EYS: variants seen among roughly 807,000 people sequenced by gnomAD.
EYS encodes the protein EGF-like photoreceptor maintenance factor.
In EYS, 250 loss-of-function variants were observed where a neutral mutation model predicts 282.1. The ratio of observed to expected loss-of-function variants is 0.89; its 90% CI spans 0.80 to 0.98. The LOEUF is 0.98. Ranked by LOEUF, EYS falls within the 50% of genes least tolerant of loss-of-function variation. The pLI is 0.00. For missense variants in EYS, 4,016 were observed against 3,709.0 expected (o/e 1.08, Z -2.15); for synonymous variants, 1,355 against 1,282.9 (o/e 1.06, Z -1.20).
chr6:64,735,331 C>T (rs1290304305), intron 22 of EYS, among the ~76,000 whole-genome samples: 2 of 152,152 alleles, frequency 1.3e-5, no homozygotes, highest in East Asian at 3.9e-4. Flanking sequence ...GATCAGCCTG[C>T]CTTGGCCTCC....
chr6:64,395,111 T>A (rs1773314004), intron 28 of EYS, among the ~76,000 whole-genome samples: 1 of 151,982 alleles, frequency 6.6e-6, no homozygotes, highest in South Asian at 2.1e-4. Flanking sequence ...AGAATGGCGA[T>A]CATTAAAAAG....
chr6:64,443,395 A>T (rs887038979), intron 26 of EYS, among the ~76,000 whole-genome samples: 3 of 152,062 alleles, frequency 2.0e-5, no homozygotes. Context: ...GAGTCTTTGG[A>T]CTGTGGACTT....
intron 13 of EYS, among the ~76,000 whole-genome samples, chr6:65,024,990 C>T (rs1772361974): frequency 6.6e-6 from 1 of 152,136 alleles, no homozygotes; most frequent in Non-Finnish European, 1.5e-5. Context: ...AGATAAATAC[C>T]TCTACCTTAT....
At chr6:64,759,298 A>G (rs895680115) in intron 22 of EYS, among the ~76,000 whole-genome samples, 1 of 152,214 alleles carries the variant, frequency 6.6e-6, no homozygotes, top group Admixed American at 6.5e-5. Flanking sequence ...AAATCAGCTC[A>G]TGGATTTAGT....
intron 31 of EYS, among the ~76,000 whole-genome samples, chr6:64,189,047 A>T (rs1314666998): frequency 6.6e-6 from 1 of 152,192 alleles, no homozygotes; most frequent in Admixed American, 6.5e-5. Context: ...GAAAAACTCT[A>T]AAACTGAATG....
At chr6:63,865,786 A>G (rs1772657755) in intron 35 of EYS, among the ~76,000 whole-genome samples, 2 of 152,172 alleles carry the variant, frequency 1.3e-5, no homozygotes, top group Non-Finnish European at 2.9e-5. Context: ...GACCTGACTT[A>G]GAAATATGAA....
intron 12 of EYS, among the ~76,000 whole-genome samples, chr6:65,281,492 A>G (rs1231225660): frequency 6.6e-6 from 1 of 152,144 alleles, no homozygotes; most frequent in Non-Finnish European, 1.5e-5. Flanking sequence ...CTTGTGTGTT[A>G]TGTTATTTTC....
chr6:64,416,240 C>T (rs1337594971), intron 28 of EYS, among the ~76,000 whole-genome samples: 1 of 152,142 alleles, frequency 6.6e-6, no homozygotes, highest in Non-Finnish European at 1.5e-5. Flanking sequence ...CATTACTTAG[C>T]AAGTACTTTC....
At chr6:63,943,140 C>T (rs986320026) in intron 35 of EYS, among the ~76,000 whole-genome samples, 2 of 152,136 alleles carry the variant, frequency 1.3e-5, no homozygotes, top group Non-Finnish European at 1.5e-5. Context: ...GGGGTTGGCA[C>T]CCCTAACTCC....
At chr6:63,874,521 A>C (rs1444356035) in intron 35 of EYS, among the ~76,000 whole-genome samples, 2 of 152,094 alleles carry the variant, frequency 1.3e-5, no homozygotes, top group Non-Finnish European at 2.9e-5. Context: ...GTTTTTTTCC[A>C]ATTCTGTGAA....
At chr6:65,513,637 T>C (rs1369877521) in intron 2 of EYS, among the ~76,000 whole-genome samples, 1 of 152,178 alleles carries the variant, frequency 6.6e-6, no homozygotes, top group Non-Finnish European at 1.5e-5. Flanking sequence ...TGGTTCAATA[T>C]ATGCAAATCA....
chr6:63,872,231 C>T (rs926432810), intron 35 of EYS, among the ~76,000 whole-genome samples: 1 of 152,094 alleles, frequency 6.6e-6, no homozygotes, highest in Non-Finnish European at 1.5e-5. Flanking sequence ...TTCTTCTTTC[C>T]CAGTCTTGGA....
chr6:64,833,042 G>T (rs575748016), intron 19 of EYS, among the ~76,000 whole-genome samples: 1 of 152,004 alleles, frequency 6.6e-6, no homozygotes, highest in South Asian at 2.1e-4. Context: ...ATAAGAATGA[G>T]AATTGAGATC....
chr6:65,368,412 C>T (rs534381335), intron 8 of EYS, among the ~76,000 whole-genome samples: 39 of 151,758 alleles, frequency 2.6e-4, no homozygotes, highest in African/African-American at 8.2e-4. Context: ...CAGTTGAACA[C>T]ATCTGAAGCT....
intron 12 of EYS, among the ~76,000 whole-genome samples, chr6:65,293,833 T>A (rs1768592105): frequency 6.6e-6 from 1 of 151,824 alleles, no homozygotes; most frequent in African/African-American, 2.4e-5. Flanking sequence ...AATCTGGAAA[T>A]TTGACCGTAA....
intron 36 of EYS, among the ~76,000 whole-genome samples, chr6:63,854,635 A>G (rs1249756915): frequency 6.6e-6 from 1 of 152,182 alleles, no homozygotes; most frequent in African/African-American, 2.4e-5. Flanking sequence ...ATTACAATAA[A>G]AAAGCCACTT....
chr6:65,275,168 A>G (rs1009521081), intron 12 of EYS, among the ~76,000 whole-genome samples: 2 of 152,142 alleles, frequency 1.3e-5, no homozygotes, highest in African/African-American at 4.8e-5. Flanking sequence ...AGCCTTTGAT[A>G]GGTTCCTATA....
At chr6:65,014,236 A>G (rs1456269755) in intron 13 of EYS, among the ~76,000 whole-genome samples, 1 of 152,200 alleles carries the variant, frequency 6.6e-6, no homozygotes, top group Non-Finnish European at 1.5e-5. Context: ...TTGGAAGAGA[A>G]ACGTGAGCCT....
chr6:64,506,932 T>C (rs1777228792), intron 26 of EYS, among the ~76,000 whole-genome samples: 1 of 97,544 alleles, frequency 1.0e-5, no homozygotes, highest in Non-Finnish European at 2.1e-5. Flanking sequence ...AAAACTGACT[T>C]ACCTAATAAA....
Sources: allele counts gnomAD v4.1 joint callset (sites outside exome capture counted in the v4.1 genomes callset), GRCh38; gene constraint gnomAD v4.1.1; transcripts MANE v1.5; gene names NCBI Gene and HGNC (gene_info 2026-07-23, HGNC 2026-07-21).